VPS13D: variants seen among roughly 807,000 people sequenced by gnomAD.
VPS13D encodes the protein intermembrane lipid transfer protein VPS13D.
VPS13D carries 187 observed loss-of-function variants against 461.9 expected under a neutral mutation model. The ratio of observed to expected loss-of-function variants is 0.40; its 90% CI spans 0.36 to 0.46. The LOEUF is 0.46. Among genes scored for constraint, VPS13D ranks in the 20% least tolerant of loss-of-function variants. The probability of loss-of-function intolerance (pLI) is 0.60; values close to 1 mark genes in which losing one functional copy is unlikely to be tolerated. For missense variants in VPS13D, 4,711 were observed against 5,364.9 expected (o/e 0.88, Z 3.81); for synonymous variants, 1,951 against 1,986.3 (o/e 0.98, Z 0.47).
chr1:12,506,826 C>G, intron 68 of VPS13D, 27 bp from the exon 69 acceptor site: 4 of 1,608,090 alleles, frequency 2.5e-6, no homozygotes, highest in Non-Finnish European at 3.4e-6. Context: ...CCAGGTGTCA[C>G]TCCTGTGTTC....
chr1:12,381,974 C>CTTTG (rs1644285443), intron 57 of VPS13D, among the ~76,000 whole-genome samples: 1 of 130,072 alleles, frequency 7.7e-6, no homozygotes, highest in Non-Finnish European at 1.6e-5. Flanking sequence ...TTCTTTCTTT[C>CTTTG]TTTCTTTCTC....
At chr1:12,272,354 G>A (rs1641469604) in intron 17 of VPS13D, among the ~76,000 whole-genome samples, 1 of 151,900 alleles carries the variant, frequency 6.6e-6, no homozygotes, top group African/African-American at 2.4e-5. Context: ...AATGTGGTGT[G>A]TAGTATGGGA....
At chr1:12,401,527 T>G in intron 61 of VPS13D, 81 bp from the exon 62 acceptor site, 3 of 974,056 alleles carry the variant, frequency 3.1e-6, no homozygotes, top group Non-Finnish European at 4.7e-6. Flanking sequence ...AAGCATACCA[T>G]GTCATTGAGG....
chr1:12,277,807 A>T lies in VPS13D; in HGVS notation c.4219A>T (p.Ile1407Phe). 1 of 1,614,176 alleles carries T rather than the reference A, an allele frequency of 6.2e-7. No individual in the cohort carries two copies. Among genetic ancestry groups the T allele is most frequent in the Non-Finnish European group, 8.5e-7 (1 of 1,180,024 alleles). ...LLVGHLGQIF[I>F]QNFVAGDDES... ...GGTGGGACACTTGGGACAGATATTC[A>T]TCCAGAATTTTGTGGCGGGAGATGA... Residue 1407 changes from isoleucine to phenylalanine, a missense_variant, in exon 19 of 70, where the codon ATC (isoleucine) becomes TTC (phenylalanine). This residue lies in a region of VPS13D where 4,411 missense variants were observed against 4,937.8 expected (regional missense o/e 0.89). Coordinates refer to ENST00000620676, the MANE Select transcript of VPS13D (RefSeq NM_015378.4).
intron 35 of VPS13D, among the ~76,000 whole-genome samples, chr1:12,326,582 G>T (rs1405004907): frequency 6.6e-6 from 1 of 151,322 alleles, no homozygotes; most frequent in Non-Finnish European, 1.5e-5. Flanking sequence ...GTGATCCCTT[G>T]CCTAAACCTC....
chr1:12,234,716 T>C (rs1042675128), intron 2 of VPS13D, among the ~76,000 whole-genome samples: 1 of 152,210 alleles, frequency 6.6e-6, no homozygotes, highest in South Asian at 2.1e-4. Flanking sequence ...TTGTCACTTA[T>C]TAGCTATGTG....
rs769226986 is a variant in VPS13D, at chr1:12,349,244, C to T, written c.9301C>T (p.Arg3101Trp). The change falls in exon 46 of 70, where the codon CGG becomes TGG. Residue 3101 changes from arginine (R) to tryptophan (W), a missense_variant. Arg to Trp is a moderately radical substitution (Grantham distance 101). This residue lies in a region of VPS13D where 4,411 missense variants were observed against 4,937.8 expected (regional missense o/e 0.89). Coordinates refer to ENST00000620676, the MANE Select transcript of VPS13D (RefSeq NM_015378.4). ...LHLTSWRLQA[R>W]PKGLGVFFCK... Reference sequence around the variant, plus strand: ...CCTCACTTCTTGGCGGCTACAGGCCCGGCCCAAAGGATTGGGTGTATTTTT... The same window carrying T: ...CCTCACTTCTTGGCGGCTACAGGCCTGGCCCAAAGGATTGGGTGTATTTTT... 1.4e-5 allele frequency: 22 copies of T among 1,614,124 alleles called. No homozygotes were observed. Among genetic ancestry groups the T allele is most frequent in the East Asian group, 2.2e-5 (1 of 44,880 alleles).
At chr1:12,378,167 G>A (rs1644226987) in intron 55 of VPS13D, among the ~76,000 whole-genome samples, 1 of 152,154 alleles carries the variant, frequency 6.6e-6, no homozygotes, top group Admixed American at 6.5e-5. Flanking sequence ...ACTCGGTTAT[G>A]AAAATAATAC....
At chr1:12,490,935 C>A (rs1557473556) in intron 67 of VPS13D, among the ~76,000 whole-genome samples, 1 of 152,208 alleles carries the variant, frequency 6.6e-6, no homozygotes, top group Admixed American at 6.5e-5. Context: ...GGGTTTTTCA[C>A]CAATTCGTCT....
chr1:12,373,471 A>G (rs992377534), intron 54 of VPS13D, among the ~76,000 whole-genome samples: 27 of 151,702 alleles, frequency 1.8e-4, no homozygotes, highest in African/African-American at 6.3e-4. Context: ...ATATATGGTT[A>G]TACTTTTGCA....
intron 68 of VPS13D, chr1:12,499,613 T>G: frequency 1.0e-6 from 1 of 985,412 alleles, no homozygotes; most frequent in African/African-American, 1.7e-5. Flanking sequence ...ACTCATGAAA[T>G]TCATATGAAC....
intron 30 of VPS13D, 53 bp from the exon 31 acceptor site, chr1:12,318,019 A>T: frequency 6.5e-7 from 1 of 1,535,178 alleles, no homozygotes; most frequent in Non-Finnish European, 8.8e-7. Flanking sequence ...CAGGTTATTG[A>T]AATAACCATG....
At chr1:12,384,451 A>G (rs1168469813) in intron 58 of VPS13D, among the ~76,000 whole-genome samples, 1 of 152,130 alleles carries the variant, frequency 6.6e-6, no homozygotes, top group Non-Finnish European at 1.5e-5. Context: ...CTATGTGAAG[A>G]TGTCCATAAG....
chr1:12,231,005 T>A (rs1478908024), intron 1 of VPS13D, among the ~76,000 whole-genome samples: 1 of 152,160 alleles, frequency 6.6e-6, no homozygotes, highest in Non-Finnish European at 1.5e-5. Context: ...TGGAGCTCCC[T>A]GGCGCCGGCA....
chr1:12,369,776 G>A, intron 54 of VPS13D, 74 bp downstream of exon 54: 1 of 1,404,026 alleles, frequency 7.1e-7, no homozygotes, highest in Non-Finnish European at 9.7e-7. Context: ...ATGTTAAGCA[G>A]TTTCTTAGGA....
At position 12,299,480 on chromosome 1, in the gene VPS13D, A is replaced by T. The variant is rs959313570; in HGVS notation, c.6216+96A>T. The T allele has an allele frequency of 7.1e-7, 1 of 1,401,248 alleles. No homozygotes were observed. The highest frequency in any genetic ancestry group is 1.4e-5 in the African/African-American group (1 of 69,008). 86.8% of individuals were successfully genotyped at this position (1,401,248 alleles called of 1,614,324 possible). A position where few individuals can be genotyped will look rare whatever the true frequency, so the allele number is the denominator to read the frequency against. On this transcript the variant is annotated intron_variant, in intron 25 of 69. Coordinates refer to ENST00000620676, the MANE Select transcript of VPS13D (RefSeq NM_015378.4). This position sits in a 1 kb window ranked among gnomAD's most constrained non-coding sequence, Gnocchi z 4.2. The stretch of plus-strand genomic sequence containing the variant: ...TGCTGTAAGATGATCCATAATTGCT[A>T]TTACTTTTGTAGGGTATGTGGCTTG...
rs1644612814 is a variant in VPS13D, at chr1:12,403,868, G to A, written c.11925G>A (p.Glu3975=). The change falls in exon 63 of 70, where the codon GAG becomes GAA. Residue 3975 remains glutamate (E), a synonymous_variant. Transcript: ENST00000620676. ...AAAACCTCCATGAAAAGACAGCTGA[G>A]CAAGGTGGAACACCAATTCGATACT... ...YDENLHEKTA[E]QGGTPIRYYF... 1 of 1,611,186 alleles carries A rather than the reference G, an allele frequency of 6.2e-7. No individual in the cohort carries two copies. Among genetic ancestry groups the A allele is most frequent in the East Asian group, 2.2e-5 (1 of 44,644 alleles).
chr1:12,495,185 T>C lies in VPS13D; in HGVS notation c.12663-2315T>C, dbSNP rs1645940355. 1.3e-5 allele frequency among the ~76,000 whole-genome samples: 2 copies of C among 150,940 alleles called. No homozygotes were observed. The highest frequency in any genetic ancestry group is 2.1e-4 in the South Asian group (1 of 4,716). On this transcript the variant is annotated intron_variant, in intron 67 of 69. Transcript: ENST00000620676. This position sits in a 1 kb window ranked among gnomAD's most constrained non-coding sequence, Gnocchi z 4.0. Reference sequence around the variant, plus strand: ...TTTTTTTTGAGACAGAGTCTTGCTCTGTCGCCCAGGCTGGAGTGCAGTGGC... The same window carrying C: ...TTTTTTTTGAGACAGAGTCTTGCTCCGTCGCCCAGGCTGGAGTGCAGTGGC...
rs185350456 is a variant in VPS13D, at chr1:12,470,216, C to T, written c.12662+9820C>T. On this transcript the variant is annotated intron_variant, in intron 67 of 69. Coordinates refer to ENST00000620676, the MANE Select transcript of VPS13D (RefSeq NM_015378.4). ...GGAGACAGAGCAAAACCTCACTTCT[C>T]GTTATGAGGAGTATGGGTCACAGGA... 4.6e-5 allele frequency among the ~76,000 whole-genome samples: 7 copies of T among 152,330 alleles called. No individual in the cohort carries two copies. In the East Asian group the frequency reaches 7.7e-4, roughly 17 times the overall value.
Sources: gnomAD v4.1 joint callset for allele counts (sites outside exome capture counted in the v4.1 genomes callset) on GRCh38, gnomAD v4.1.1 for gene constraint, gnomAD v4.1.1 regional missense constraint, Gnocchi (gnomAD v3.1) non-coding constraint, MANE v1.5 for transcripts, NCBI Gene and HGNC (gene_info 2026-07-23, HGNC 2026-07-21) for gene names.